Variants in EYA2 observed in about 807,000 individuals in gnomAD.
EYA2 encodes EYA transcriptional coactivator and phosphatase 2.
Under a neutral mutation model 69.2 loss-of-function variants are expected in EYA2, and 31 were observed. The ratio of observed to expected loss-of-function variants is 0.45; its 90% CI spans 0.34 to 0.60. The LOEUF (loss-of-function observed/expected upper bound fraction) is 0.60, where lower values mean the gene tolerates loss of function less well. Ranked by LOEUF, EYA2 falls within the 20% of genes least tolerant of loss-of-function variation. The pLI, the probability that EYA2 is intolerant of heterozygous loss-of-function variation, is 0.02. For synonymous variants in EYA2, 257 were observed against 279.4 expected, an observed-to-expected ratio of 0.92 and a Z score of 0.80; for missense variants, 622 against 701.2, an observed-to-expected ratio of 0.89 and a Z score of 1.28.
At chr20:47,102,691 C>A (rs930174632) in intron 9 of EYA2, among the ~76,000 whole-genome samples, 1 of 152,214 alleles carries the variant, frequency 6.6e-6, no homozygotes, top group Non-Finnish European at 1.5e-5. Context: ...CTGCTTGAGG[C>A]TGTCATCTCT....
At chr20:46,993,890 A>G (rs928121831) in intron 2 of EYA2, among the ~76,000 whole-genome samples, 1 of 152,256 alleles carries the variant, frequency 6.6e-6, no homozygotes, top group Non-Finnish European at 1.5e-5. Flanking sequence ...CCGTATGCAC[A>G]GAGAAGACAG....
intron 5 of EYA2, among the ~76,000 whole-genome samples, chr20:47,018,622 C>T (rs549148817): frequency 5.3e-5 from 8 of 152,292 alleles, no homozygotes; most frequent in Non-Finnish European, 8.8e-5. Flanking sequence ...GCAGCGGGAA[C>T]GCAAGAGCAA....
intron 5 of EYA2, among the ~76,000 whole-genome samples, chr20:47,024,956 T>C (rs1342762894): frequency 6.6e-6 from 1 of 152,250 alleles, no homozygotes; most frequent in Non-Finnish European, 1.5e-5. Context: ...GCAAGCCTGG[T>C]ATGAGTACAG....
intron 5 of EYA2, chr20:47,071,895 C>T: frequency 2.4e-6 from 1 of 409,228 alleles, no homozygotes; most frequent in Admixed American, 3.5e-5. Context: ...GATCCAGAGA[C>T]TTAGGGGTCA....
At chr20:47,133,824 G>A (rs1378378908) in intron 9 of EYA2, among the ~76,000 whole-genome samples, 1 of 152,160 alleles carries the variant, frequency 6.6e-6, no homozygotes, top group Non-Finnish European at 1.5e-5. Context: ...TGATGTCCAG[G>A]GTCTTATTGG....
At chr20:46,953,975 A>G (rs1315065712) in intron 1 of EYA2, among the ~76,000 whole-genome samples, 1 of 151,952 alleles carries the variant, frequency 6.6e-6, no homozygotes, top group African/African-American at 2.4e-5. Flanking sequence ...TACTTCTTGG[A>G]CATGTTCTTC....
chr20:46,919,881 G>C (rs191560112), intron 1 of EYA2, among the ~76,000 whole-genome samples: 34 of 152,240 alleles, frequency 2.2e-4, no homozygotes, highest in Admixed American at 5.2e-4. Context: ...CCTTTCACTT[G>C]AGCACTCAGA....
intron 11 of EYA2, among the ~76,000 whole-genome samples, chr20:47,169,594 AT>A (rs1049444741): frequency 1.5e-4 from 23 of 152,124 alleles, no homozygotes; most frequent in Non-Finnish European, 3.2e-4. Flanking sequence ...ATTTATTGCT[AT>A]TTTTTTCCTG....
Position 47,040,486 on chromosome 20 carries a change from A to AG in EYA2, c.415+24191dup, listed in dbSNP as rs964835056. On this transcript the variant is annotated intron_variant, in intron 5 of 15. Transcript: ENST00000327619. ...GTACCTCTCCTGTAAAGCCAAACTG[A>AG]GGACTAGTGAGAAAACGCCGAGTTG... Among the ~76,000 whole-genome samples the AG allele has an allele frequency of 3.1e-4, 47 of 152,312 alleles. 1 individual carries two copies. Among genetic ancestry groups the AG allele is most frequent in the African/African-American group, 1.1e-3 (46 of 41,566 alleles).
intron 5 of EYA2, among the ~76,000 whole-genome samples, chr20:47,048,596 C>T (rs539750882): frequency 1.8e-4 from 27 of 152,152 alleles, no homozygotes; most frequent in African/African-American, 5.8e-4. Flanking sequence ...ATTAGCTGGG[C>T]GTGGTGGCAT....
chr20:47,025,885 T>A (rs1984051300), intron 5 of EYA2, among the ~76,000 whole-genome samples: 1 of 152,220 alleles, frequency 6.6e-6, no homozygotes, highest in African/African-American at 2.4e-5. Context: ...AAATGGTGTC[T>A]CAGGGCAGTA....
At chr20:47,028,392 G>A (rs1568732984) in intron 5 of EYA2, among the ~76,000 whole-genome samples, 2 of 152,360 alleles carry the variant, frequency 1.3e-5, no homozygotes, top group East Asian at 3.9e-4. Flanking sequence ...CATTTTGTTT[G>A]TTTCTCTTTT....
chr20:46,977,911 G>A (rs1168453630), intron 1 of EYA2, among the ~76,000 whole-genome samples: 1 of 152,158 alleles, frequency 6.6e-6, no homozygotes, highest in African/African-American at 2.4e-5. Flanking sequence ...CAAAGTTGTT[G>A]AAGTGACAAC....
At chr20:47,159,112 T>C (rs114146144) in intron 10 of EYA2, among the ~76,000 whole-genome samples, 2,227 of 152,096 alleles carry the variant, frequency 0.015, 49 homozygotes, top group African/African-American at 0.05. Flanking sequence ...ACACCCATAG[T>C]GTGAGCCACG....
At position 47,088,761 on chromosome 20, in the gene EYA2, A is replaced by G. The variant is rs151278555; in HGVS notation, c.662-478A>G. Among the ~76,000 whole-genome samples, 27 of 152,242 alleles carry G rather than the reference A, an allele frequency of 1.8e-4. No homozygotes were observed. The East Asian group carries it at 4.8e-3, about 27-fold the overall frequency. On this transcript the variant is annotated intron_variant, in intron 7 of 15. Coordinates refer to ENST00000327619, the MANE Select transcript of EYA2 (RefSeq NM_005244.5). Reference sequence around the variant, plus strand: ...ACCACCACACGAGGTCAACTTTTCTATACTTCATAGAGACAGGGTCTTGCT... The same window carrying G: ...ACCACCACACGAGGTCAACTTTTCTGTACTTCATAGAGACAGGGTCTTGCT...
intron 8 of EYA2, among the ~76,000 whole-genome samples, chr20:47,092,551 C>T (rs1293464910): frequency 6.6e-6 from 1 of 152,104 alleles, no homozygotes; most frequent in Non-Finnish European, 1.5e-5. Context: ...CATAATATTC[C>T]CTCCCCACAA....
chr20:47,042,984 CA>C (rs1214270849), intron 5 of EYA2, among the ~76,000 whole-genome samples: 1 of 152,014 alleles, frequency 6.6e-6, no homozygotes, highest in African/African-American at 2.4e-5. Context: ...ATTTTCTTAA[CA>C]AGAAAGGAGA....
At chr20:46,990,729 A>G (rs1304271642) in intron 2 of EYA2, among the ~76,000 whole-genome samples, 1 of 152,246 alleles carries the variant, frequency 6.6e-6, no homozygotes, top group Non-Finnish European at 1.5e-5. Flanking sequence ...AAAAGGCATT[A>G]AGCTATTATG....
intron 9 of EYA2, among the ~76,000 whole-genome samples, chr20:47,105,226 A>C (rs1006014188): frequency 1.3e-5 from 2 of 152,080 alleles, no homozygotes; most frequent in African/African-American, 4.8e-5. Flanking sequence ...TGGCATCTCC[A>C]TTGGTTTTAT....
Sources: allele counts gnomAD v4.1 joint callset (sites outside exome capture counted in the v4.1 genomes callset), GRCh38; gene constraint gnomAD v4.1.1; transcripts MANE v1.5; gene names NCBI Gene and HGNC (gene_info 2026-07-23, HGNC 2026-07-21).